Variants in TLDC2 observed in about 807,000 individuals in gnomAD.
The protein encoded by TLDC2 is TLD domain-containing protein 2.
Under a neutral mutation model 27.9 loss-of-function variants are expected in TLDC2, and 23 were observed. That is an observed-to-expected ratio of 0.82 (90% confidence interval 0.59 to 1.17). The LOEUF is 1.17. Ranked by LOEUF, TLDC2 falls within the 50% of genes most tolerant of loss-of-function variation. The pLI is 0.00. For synonymous variants in TLDC2, 124 were observed against 107.4 expected (o/e 1.16, Z -0.96); for missense variants, 286 against 273.4 (o/e 1.05, Z -0.32).
intron 1 of TLDC2, among the ~76,000 whole-genome samples, chr20:36,876,420 G>A (rs930827123): frequency 1.3e-5 from 2 of 152,172 alleles, no homozygotes; most frequent in Non-Finnish European, 2.9e-5. Context: ...GGGACAGACC[G>A]ATGTCTCTGT....
Position 36,876,183 on chromosome 20 carries a change from C to G in TLDC2, c.9C>G (p.Gly3=). 1.2e-5 allele frequency: 19 copies of G among 1,614,176 alleles called. No homozygotes were observed. The highest frequency in any genetic ancestry group is 1.6e-5 in the Non-Finnish European group (19 of 1,180,010). The change falls in exon 1 of 7, where the codon GGC becomes GGG. Residue 3 remains glycine, a synonymous_variant. Transcript: ENST00000217320. ...TGAGCAGGGACAGGAGAATGAGAGG[C>G]CTCCGCTGGCGTTACACTCGGCTGG... The part of the protein sequence containing the change: MR[G]LRWRYTRLPS...
intron 4 of TLDC2, among the ~76,000 whole-genome samples, chr20:36,884,302 G>C (rs189132311): frequency 4.8e-4 from 73 of 152,254 alleles, no homozygotes; most frequent in African/African-American, 1.7e-3. Flanking sequence ...CCTCTGAGCT[G>C]GTCCTTAAAC....
Position 36,893,103 on chromosome 20 carries a change from A to G in TLDC2, c.*259A>G. Reference sequence around the variant, plus strand: ...AGAGAGAAAAACAGGCAATAGAGAAAAGCCAGTTTCCATCATCTTATTTCT... The same window carrying G: ...AGAGAGAAAAACAGGCAATAGAGAAGAGCCAGTTTCCATCATCTTATTTCT... On this transcript the variant is annotated 3_prime_UTR_variant, in exon 7 of 7. Coordinates refer to ENST00000217320, the MANE Select transcript of TLDC2 (RefSeq NM_080628.3). The G allele has an allele frequency of 6.2e-7, 1 of 1,608,516 alleles. No homozygotes were observed. Among genetic ancestry groups the G allele is most frequent in the Non-Finnish European group, 8.5e-7 (1 of 1,179,664 alleles).
In TLDC2 at chr20:36,889,306, T is replaced by TGCCCGACCTTCAACAACGAGGTGCTG; in HGVS notation, c.574_599dup (p.Gln201ProfsTer35). The TGCCCGACCTTCAACAACGAGGTGCTG allele has an allele frequency of 1.2e-6, 2 of 1,614,208 alleles. No homozygotes were observed. Among genetic ancestry groups the TGCCCGACCTTCAACAACGAGGTGCTG allele is most frequent in the Non-Finnish European group, 1.7e-6 (2 of 1,180,028 alleles). ...CTTGTTCCGCGGGGGAAGCTCCCCT[T>TGCCCGACCTTCAACAACGAGGTGCTG]GCCCGACCTTCAACAACGAGGTGCT... is the stretch of plus-strand genomic sequence containing the variant. On this transcript the variant is annotated frameshift_variant, in exon 6 of 7. Transcript: ENST00000217320. LOFTEE classifies it high-confidence loss of function.
At chr20:36,887,687 C>T (rs1989953228) in intron 5 of TLDC2, among the ~76,000 whole-genome samples, 159 bp downstream of exon 5, 1 of 152,210 alleles carries the variant, frequency 6.6e-6, no homozygotes, top group Admixed American at 6.5e-5. Context: ...CCAACCCCCT[C>T]AACCTCACGC....
chr20:36,876,305 T>C, intron 1 of TLDC2, 98 bp downstream of exon 1: 2 of 1,517,884 alleles, frequency 1.3e-6, no homozygotes, highest in Non-Finnish European at 9.1e-7. Flanking sequence ...ATGCGGGCAG[T>C]GACTTGTTCC....
rs370495501 is a variant in TLDC2 at position 36,879,753 on chromosome 20, C to T, written c.342+560C>T. 2.0e-5 allele frequency among the ~76,000 whole-genome samples: 3 copies of T among 151,748 alleles called. No individual in the cohort carries two copies. The East Asian group carries it at 5.8e-4, about 30-fold the overall frequency. ...GTGTGGTGGTGTATGCCTATAGTCC[C>T]AGCAACTGGGGCCAGGGGTGTTGCA... On this transcript the variant is annotated intron_variant, in intron 3 of 6. Coordinates refer to ENST00000217320, the MANE Select transcript of TLDC2 (RefSeq NM_080628.3).
chr20:36,886,994 T>A (rs1017551270), intron 4 of TLDC2, among the ~76,000 whole-genome samples: 1 of 152,024 alleles, frequency 6.6e-6, no homozygotes, highest in Non-Finnish European at 1.5e-5. Flanking sequence ...GAGGCTGTGA[T>A]CCAGGCAGAG....
chr20:36,891,636 G>A (rs775995241), intron 6 of TLDC2: 5 of 152,314 alleles, frequency 3.3e-5, no homozygotes, highest in African/African-American at 4.8e-5. Context: ...GTTACCTAGC[G>A]GAGCCTGGAG....
chr20:36,893,184 G>T lies in TLDC2; in HGVS notation c.*340G>T. ...TCTTGCATATAGATTGCTTCTAGCT[G>T]TCCTCAATCCAGGGAAACTCCAAAT... On this transcript the variant is annotated 3_prime_UTR_variant, in exon 7 of 7. Transcript: ENST00000217320. 7.7e-7 allele frequency: 1 copy of T among 1,293,758 alleles called. No homozygotes were observed. The highest frequency in any genetic ancestry group is 1.1e-6 in the Non-Finnish European group (1 of 913,034). 80.1% of individuals were successfully genotyped at this position (1,293,758 alleles called of 1,614,324 possible). A position where few individuals can be genotyped will look rare whatever the true frequency, so the allele number is the denominator to read the frequency against.
chr20:36,887,604 A>C, intron 5 of TLDC2, 76 bp downstream of exon 5: 1 of 1,416,252 alleles, frequency 7.1e-7, no homozygotes, highest in Non-Finnish European at 1.0e-6. Flanking sequence ...CTGCTGGGCT[A>C]GGCTGCCCTT....
chr20:36,878,457 T>G (rs531321509), intron 2 of TLDC2, among the ~76,000 whole-genome samples: 2 of 152,270 alleles, frequency 1.3e-5, no homozygotes, highest in East Asian at 3.9e-4. Context: ...GGTGTGCACC[T>G]GTAGTCTCAG....
intron 5 of TLDC2, 29 bp downstream of exon 5, chr20:36,887,557 G>C (rs1601101829): frequency 6.2e-7 from 1 of 1,605,634 alleles, no homozygotes; most frequent in African/African-American, 1.3e-5. Flanking sequence ...CCGAGTCTTG[G>C]GGCGGTCTGT....
In TLDC2 at chr20:36,880,726, C is replaced by T. The variant is rs1324470633; in HGVS notation, c.414C>T (p.Leu138=). ...TCTATGGTACTGGCGAGACATTCCT[C>T]TTCTCCTTCTCCCCACAGCTGAAGG... ...KGFYGTGETF[L]FSFSPQLKVF... The change falls in exon 4 of 7, where the codon CTC becomes CTT. Residue 138 remains leucine, a synonymous_variant. Transcript: ENST00000217320. 3 of 1,614,092 alleles carry T rather than the reference C, an allele frequency of 1.9e-6. No individual in the cohort carries two copies.
chr20:36,876,339 G>A, intron 1 of TLDC2, 132 bp downstream of exon 1: 4 of 1,253,716 alleles, frequency 3.2e-6, no homozygotes, highest in Non-Finnish European at 3.5e-6. Context: ...TCCCTGGCAG[G>A]CCTGTGGTTT....
chr20:36,884,488 G>C (rs1989878067), intron 4 of TLDC2, among the ~76,000 whole-genome samples: 1 of 151,970 alleles, frequency 6.6e-6, no homozygotes, highest in Non-Finnish European at 1.5e-5. Flanking sequence ...CAAGTGTGGT[G>C]GCTCACGTCT....
chr20:36,876,568 T>A (rs1053781379), intron 1 of TLDC2, among the ~76,000 whole-genome samples: 4 of 152,168 alleles, frequency 2.6e-5, no homozygotes, highest in African/African-American at 9.7e-5. Flanking sequence ...TTGAGAGGTC[T>A]CTTCTTCCTG....
chr20:36,880,070 C>CATATATATATATATATGTAT lies in TLDC2; in HGVS notation c.343-569_343-568insGTATATATATATATATATAT, dbSNP rs1335974895. Among the ~76,000 whole-genome samples, 400 of 73,048 alleles carry CATATATATATATATATGTAT rather than the reference C, an allele frequency of 5.5e-3. 9 individuals carry two copies. Among genetic ancestry groups the CATATATATATATATATGTAT allele is most frequent in the African/African-American group, 0.018 (385 of 21,280 alleles). 47.9% of individuals were successfully genotyped at this position (73,048 alleles called of 152,430 possible). ...ATTACTTGTGTAGAATATATATATACATATATATATATATATATATATATA... is the reference window on the plus strand; with the variant it reads ...ATTACTTGTGTAGAATATATATATACATATATATATATATATGTATATATATATATATATATATATATATA... On this transcript the variant is annotated intron_variant, in intron 3 of 6. Coordinates refer to ENST00000217320, the MANE Select transcript of TLDC2 (RefSeq NM_080628.3).
intron 1 of TLDC2, among the ~76,000 whole-genome samples, chr20:36,876,697 G>T (rs892760457): frequency 2.0e-5 from 3 of 151,344 alleles, no homozygotes; most frequent in African/African-American, 4.9e-5. Flanking sequence ...ACACTCAAAT[G>T]CACTCATACA....
Sources: gnomAD v4.1 joint callset for allele counts (sites outside exome capture counted in the v4.1 genomes callset) on GRCh38, gnomAD v4.1.1 for gene constraint, MANE v1.5 for transcripts, NCBI Gene and HGNC (gene_info 2026-07-23, HGNC 2026-07-21) for gene names.